PTPRD: variants seen among roughly 807,000 people sequenced by gnomAD.
PTPRD encodes protein tyrosine phosphatase receptor type D.
Under a neutral mutation model 214.5 loss-of-function variants are expected in PTPRD, and 34 were observed. The ratio of observed to expected loss-of-function variants is 0.16; its 90% confidence interval spans 0.12 to 0.21. The LOEUF (loss-of-function observed/expected upper bound fraction) is 0.21, where lower values mean the gene tolerates loss of function less well. PTPRD is among the 10% of genes least tolerant of loss of function. The pLI is 1.00. For missense variants in PTPRD, 2,545 were observed against 2,398.7 expected, an observed-to-expected ratio of 1.06 and a Z score of -1.27; for synonymous variants, 1,128 against 845.7, an observed-to-expected ratio of 1.33 and a Z score of -5.79.
intron 30 of PTPRD, among the ~76,000 whole-genome samples, chr9:8,480,712 C>G (rs35679431): frequency 0.11 from 16,114 of 152,166 alleles, 921 homozygotes; most frequent in South Asian, 0.14. Flanking sequence ...TCATAAATAT[C>G]CTTTATCTGT....
chr9:8,343,447 C>A (rs1292154859), intron 39 of PTPRD, among the ~76,000 whole-genome samples: 1 of 151,986 alleles, frequency 6.6e-6, no homozygotes, highest in Non-Finnish European at 1.5e-5. Context: ...TAGCACAGAC[C>A]AATTGGCAAC....
chr9:9,148,285 C>A (rs2099872036), intron 10 of PTPRD, among the ~76,000 whole-genome samples: 1 of 151,948 alleles, frequency 6.6e-6, no homozygotes, highest in African/African-American at 2.4e-5. Context: ...ACATGGCAAC[C>A]TTTTTTTGGA....
rs373260253 is a variant in PTPRD at position 8,708,254 on chromosome 9, A to G, written c.64+25526T>C. 1.2e-4 allele frequency among the ~76,000 whole-genome samples: 19 copies of G among 152,334 alleles called. No homozygotes were observed. In the South Asian group the frequency reaches 3.1e-3, roughly 25 times the overall value. On this transcript the variant is annotated intron_variant, in intron 12 of 45. Transcript: ENST00000381196. Reference sequence around the variant, plus strand: ...CCTCATGTCTGTTAGAGTGGTTGTTATCAAATAACAAAAGGTAGGTGTTGG... The same window carrying G: ...CCTCATGTCTGTTAGAGTGGTTGTTGTCAAATAACAAAAGGTAGGTGTTGG...
At chr9:10,172,808 T>C (rs1045618409) in intron 3 of PTPRD, among the ~76,000 whole-genome samples, 1 of 152,216 alleles carries the variant, frequency 6.6e-6, no homozygotes, top group Non-Finnish European at 1.5e-5. Flanking sequence ...TGTTGGGTTA[T>C]GGTATATATG....
At chr9:8,935,607 C>T (rs2098991501) in intron 11 of PTPRD, among the ~76,000 whole-genome samples, 1 of 152,154 alleles carries the variant, frequency 6.6e-6, no homozygotes, top group African/African-American at 2.4e-5. Flanking sequence ...ATTCACATAA[C>T]TAGTTTTATC....
At chr9:8,509,828 CAG>C (rs1280913213) in intron 21 of PTPRD, among the ~76,000 whole-genome samples, 1 of 152,146 alleles carries the variant, frequency 6.6e-6, no homozygotes, top group Non-Finnish European at 1.5e-5. Flanking sequence ...ATCCAAGTCT[CAG>C]AGAGTACACT....
At chr9:10,568,418 A>G (rs1334706442) in intron 2 of PTPRD, among the ~76,000 whole-genome samples, 1 of 152,038 alleles carries the variant, frequency 6.6e-6, no homozygotes, top group Admixed American at 6.6e-5. Flanking sequence ...ATAGTGCCGC[A>G]ATAAACATAC....
chr9:8,631,586 C>G (rs2096253211), intron 14 of PTPRD, among the ~76,000 whole-genome samples: 1 of 151,786 alleles, frequency 6.6e-6, no homozygotes. Flanking sequence ...TTATGTTAAA[C>G]TATTTGGTCC....
At chr9:10,386,358 C>G (rs1331986396) in intron 2 of PTPRD, among the ~76,000 whole-genome samples, 1 of 151,848 alleles carries the variant, frequency 6.6e-6, no homozygotes, top group Non-Finnish European at 1.5e-5. Flanking sequence ...TTTAGCCTAA[C>G]TAGTATCCTG....
intron 14 of PTPRD, among the ~76,000 whole-genome samples, chr9:8,549,703 C>G (rs1308287537): frequency 6.6e-6 from 1 of 151,932 alleles, no homozygotes; most frequent in East Asian, 1.9e-4. Context: ...GATATAAACC[C>G]CAAGGGAAAT....
At position 10,602,738 on chromosome 9, in the gene PTPRD, T is replaced by G. The variant is rs1338973898; in HGVS notation, c.-600+9660A>C. On this transcript the variant is annotated intron_variant, in intron 2 of 45. Coordinates refer to ENST00000381196, the MANE Select transcript of PTPRD (RefSeq NM_002839.4). ...TAAAATGACTCTTAGAAGGCCAATT[T>G]TTGGTTTTCTGCTTCCTACTCATTT... 2.0e-4 allele frequency among the ~76,000 whole-genome samples: 31 copies of G among 151,832 alleles called. 1 individual carries two copies. The highest frequency in any genetic ancestry group is 2.0e-3 in the Admixed American group (31 of 15,222).
intron 5 of PTPRD, among the ~76,000 whole-genome samples, chr9:9,879,445 C>A (rs1170844306): frequency 1.3e-5 from 2 of 152,126 alleles, no homozygotes; most frequent in Non-Finnish European, 2.9e-5. Context: ...AAACAACATT[C>A]CATTCAAAAT....
At chr9:10,462,287 T>C (rs568591902) in intron 2 of PTPRD, among the ~76,000 whole-genome samples, 13 of 152,300 alleles carry the variant, frequency 8.5e-5, no homozygotes, top group East Asian at 5.8e-4. Context: ...TATATGAATA[T>C]TGGTCATTTC....
intron 36 of PTPRD, among the ~76,000 whole-genome samples, chr9:8,391,339 G>GA (rs2089480141): frequency 1.3e-5 from 2 of 152,116 alleles, no homozygotes; most frequent in African/African-American, 4.8e-5. Flanking sequence ...AGCATTAGTT[G>GA]AAAAGCCTTT....
Position 9,604,081 on chromosome 9 carries a change from C to A in PTPRD, c.-286-29300G>T, listed in dbSNP as rs1325703342. On this transcript the variant is annotated intron_variant, in intron 7 of 45. Transcript: ENST00000381196. ...GATTAATATAATTTTGCTTTTATTA[C>A]TAAAATTTCTTTTTTTTCTGGGAAA... 4.6e-5 allele frequency among the ~76,000 whole-genome samples: 7 copies of A among 151,926 alleles called. No individual in the cohort carries two copies. In the East Asian group the frequency reaches 1.4e-3, roughly 29 times the overall value.
chr9:10,277,825 C>A (rs557479730), intron 3 of PTPRD, among the ~76,000 whole-genome samples: 10 of 152,098 alleles, frequency 6.6e-5, no homozygotes, highest in African/African-American at 2.4e-4. Flanking sequence ...GAGATTCTGG[C>A]AACTGGCCCA....
rs996437155 is a variant in PTPRD at position 9,976,371 on chromosome 9, C to A, written c.-471-37761G>T. ...ACAAATACACTTTTTATGCATCATC[C>A]AGGTGATTAACTATATTTATTTTTA... On this transcript the variant is annotated intron_variant, in intron 4 of 45. Coordinates refer to ENST00000381196, the MANE Select transcript of PTPRD (RefSeq NM_002839.4). 3.3e-5 allele frequency among the ~76,000 whole-genome samples: 5 copies of A among 151,790 alleles called. No homozygotes were observed. In the South Asian group the frequency reaches 1.0e-3, roughly 32 times the overall value.
At chr9:10,408,108 T>C (rs1303839587) in intron 2 of PTPRD, among the ~76,000 whole-genome samples, 1 of 151,546 alleles carries the variant, frequency 6.6e-6, no homozygotes, top group Non-Finnish European at 1.5e-5. Flanking sequence ...CCCTGCCTTG[T>C]TATCTTTGCT....
At chr9:10,569,234 C>T (rs2066653780) in intron 2 of PTPRD, among the ~76,000 whole-genome samples, 1 of 152,046 alleles carries the variant, frequency 6.6e-6, no homozygotes, top group Non-Finnish European at 1.5e-5. Flanking sequence ...CCATTTCACA[C>T]CAGTTAGAAT....
Sources: gnomAD v4.1 joint callset for allele counts (sites outside exome capture counted in the v4.1 genomes callset) on GRCh38, gnomAD v4.1.1 for gene constraint, MANE v1.5 for transcripts, NCBI Gene and HGNC (gene_info 2026-07-23, HGNC 2026-07-21) for gene names.